Variants in MCEE observed in about 807,000 individuals in gnomAD.
The protein encoded by MCEE is methylmalonyl-CoA epimerase, also known as methylmalonyl-CoA epimerase, mitochondrial.
Under a neutral mutation model 12.9 loss-of-function variants are expected in MCEE, and 6 were observed. The ratio of observed to expected loss-of-function variants is 0.47; its 90% CI spans 0.26 to 0.92. The LOEUF (loss-of-function observed/expected upper bound fraction) is 0.92, where lower values mean the gene tolerates loss of function less well. MCEE is among the 40% of genes least tolerant of loss of function. MCEE has a pLI of 0.16. For missense variants in MCEE, 214 were observed against 212.1 expected (o/e 1.01, Z -0.05); for synonymous variants, 78 against 77.9 (o/e 1.00, Z -0.01).
chr2:71,127,172 G>C (rs911379281), intron 1 of MCEE, among the ~76,000 whole-genome samples: 13 of 152,242 alleles, frequency 8.5e-5, no homozygotes, highest in Admixed American at 7.8e-4. Context: ...TCACATGTCA[G>C]GAAGCTGGTA....
intron 2 of MCEE, among the ~76,000 whole-genome samples, chr2:71,110,490 T>C (rs561309630): frequency 1.8e-4 from 27 of 152,288 alleles, no homozygotes; most frequent in South Asian, 4.2e-4. Flanking sequence ...GCAAATGAGG[T>C]CTACCACATA....
chr2:71,118,075 G>C (rs1198302917), intron 2 of MCEE, among the ~76,000 whole-genome samples: 2 of 149,900 alleles, frequency 1.3e-5, no homozygotes, highest in Admixed American at 6.6e-5. Context: ...TCAACATCCC[G>C]CCCGGAAGCG....
intron 2 of MCEE, among the ~76,000 whole-genome samples, chr2:71,120,755 T>G (rs2103631224): frequency 7.4e-6 from 1 of 134,428 alleles, no homozygotes; most frequent in Admixed American, 7.1e-5. Flanking sequence ...TTTTTTTTCC[T>G]GAGATGGAGT....
intron 1 of MCEE, among the ~76,000 whole-genome samples, chr2:71,124,852 C>A (rs11126317): frequency 0.32 from 49,030 of 151,920 alleles, 9,916 homozygotes; most frequent in East Asian, 0.66. Flanking sequence ...GCATATTAAG[C>A]ATTACTTGCT....
At chr2:71,119,046 C>T (rs1466170477) in intron 2 of MCEE, among the ~76,000 whole-genome samples, 1 of 150,236 alleles carries the variant, frequency 6.7e-6, no homozygotes, top group Non-Finnish European at 1.5e-5. Flanking sequence ...ACAAAAATGA[C>T]TCTTCTGCTC....
intron 1 of MCEE, chr2:71,129,799 T>C: frequency 2.9e-6 from 1 of 346,060 alleles, no homozygotes; most frequent in South Asian, 2.7e-5. Flanking sequence ...CGTGCTCTCC[T>C]TTCTGGTTTC....
At chr2:71,121,669 G>T (rs2103633107) in intron 2 of MCEE, among the ~76,000 whole-genome samples, 2 of 149,814 alleles carry the variant, frequency 1.3e-5, no homozygotes, top group Middle Eastern at 3.4e-3. Context: ...TCTCTTGATG[G>T]AATACTGATA....
intron 1 of MCEE, among the ~76,000 whole-genome samples, chr2:71,128,014 T>C (rs1673275576): frequency 6.6e-6 from 1 of 152,332 alleles, no homozygotes. Flanking sequence ...TTCAAGTTAG[T>C]CTGGTAAGTT....
At chr2:71,110,877 G>T (rs1053702559) in intron 2 of MCEE, 3 of 151,928 alleles carry the variant, frequency 2.0e-5, no homozygotes, top group African/African-American at 7.3e-5. Flanking sequence ...TGGATGAAAA[G>T]GTATGATATG....
At chr2:71,112,161 G>C (rs1672898136) in intron 2 of MCEE, among the ~76,000 whole-genome samples, 3 of 152,164 alleles carry the variant, frequency 2.0e-5, no homozygotes, top group Admixed American at 2.0e-4. Context: ...TTTTGAGACA[G>C]AGTCTCACTC....
chr2:71,127,773 C>G (rs11126318), intron 1 of MCEE, among the ~76,000 whole-genome samples: 6,189 of 152,214 alleles, frequency 0.041, 384 homozygotes, highest in African/African-American at 0.13. Flanking sequence ...ATTACAGGAG[C>G]GCGCCACCAC....
chr2:71,110,656 T>G (rs1050407750), intron 2 of MCEE: 1 of 153,646 alleles, frequency 6.5e-6, no homozygotes, highest in Non-Finnish European at 1.4e-5. Flanking sequence ...AAGACACACA[T>G]GAAAATCACT....
chr2:71,122,435 G>A (rs1429020105), intron 2 of MCEE, among the ~76,000 whole-genome samples: 2 of 152,104 alleles, frequency 1.3e-5, no homozygotes, highest in African/African-American at 2.4e-5. Flanking sequence ...CCATTTTCAC[G>A]CTATTGATAA....
In MCEE at chr2:71,124,396, G is replaced by A; in HGVS notation, c.188C>T (p.Ala63Val). 1.2e-6 allele frequency: 2 copies of A among 1,614,128 alleles called. No individual in the cohort carries two copies. ...IAVPDLEKAA[A>V]FYKNILGAQV... ...GGCCCCCAGAATATTCTTATAAAAT[G>A]CTGCAGCCTTTTCCAAATCTGGCAC... Residue 63 changes from alanine (A) to valine (V), a missense_variant, in exon 2 of 3, where the codon GCA (alanine) becomes GTA (valine). Physicochemically the swap from Ala to Val is moderately conservative, Grantham distance 64. Transcript: ENST00000244217.
chr2:71,109,871 A>G lies in MCEE; in HGVS notation c.*99T>C. The G allele has an allele frequency of 8.7e-7, 1 of 1,146,420 alleles. No individual in the cohort carries two copies. The highest frequency in any genetic ancestry group is 2.4e-5 in the East Asian group (1 of 41,386). 71.0% of individuals were successfully genotyped at this position (1,146,420 alleles called of 1,614,324 possible). ...ATTCAGTCTTTAACTGTGAACTTTT[A>G]CATGATGGAAGCAGTGAAGGACTCA... is the stretch of plus-strand genomic sequence containing the variant. On this transcript the variant is annotated 3_prime_UTR_variant, in exon 3 of 3. Transcript: ENST00000244217.
intron 2 of MCEE, among the ~76,000 whole-genome samples, 196 bp from the exon 3 acceptor site, chr2:71,110,318 G>A (rs1672862474): frequency 6.6e-6 from 1 of 152,086 alleles, no homozygotes; most frequent in Non-Finnish European, 1.5e-5. Context: ...ATTTTTCTAG[G>A]TAAGCAACCA....
chr2:71,110,440 T>C (rs983147318), intron 2 of MCEE, among the ~76,000 whole-genome samples: 9 of 152,232 alleles, frequency 5.9e-5, no homozygotes, highest in Admixed American at 3.3e-4. Context: ...ATTGAAGACA[T>C]TGCTTTTTCC....
intron 1 of MCEE, chr2:71,129,955 C>T (rs1572894678): frequency 1.6e-6 from 1 of 625,016 alleles, no homozygotes; most frequent in East Asian, 2.8e-5. Context: ...AGGCGCACAG[C>T]TCTCGGATGG....
intron 1 of MCEE, among the ~76,000 whole-genome samples, chr2:71,128,700 T>C (rs1673293789): frequency 1.3e-5 from 2 of 152,134 alleles, no homozygotes; most frequent in Admixed American, 6.5e-5. Context: ...CGGCTAATTT[T>C]TGTATTTTTA....
Sources: gnomAD v4.1 joint callset for allele counts (sites outside exome capture counted in the v4.1 genomes callset) on GRCh38, gnomAD v4.1.1 for gene constraint, MANE v1.5 for transcripts, NCBI Gene and HGNC (gene_info 2026-07-23, HGNC 2026-07-21) for gene names.